INTS1: variants seen among roughly 807,000 people sequenced by gnomAD.
INTS1 encodes integrator complex subunit 1.
In INTS1, 137 loss-of-function variants were observed where a neutral mutation model predicts 241.6. The ratio of observed to expected loss-of-function variants is 0.57; its 90% CI spans 0.49 to 0.65. The LOEUF (loss-of-function observed/expected upper bound fraction) is 0.65, where lower values mean the gene tolerates loss of function less well. INTS1 is among the 30% of genes least tolerant of loss of function. The pLI is 0.00. For missense variants in INTS1, 3,073 were observed against 3,032.2 expected (o/e 1.01, Z -0.32); for synonymous variants, 1,692 against 1,337.8 (o/e 1.26, Z -5.78).
rs1447946058 is a variant in INTS1, at chr7:1,482,485, A to G, written c.3703+61T>C. The G allele has an allele frequency of 2.7e-6, 4 of 1,502,756 alleles. No homozygotes were observed. The African/African-American group carries it at 5.6e-5, about 21-fold the overall frequency. The allele number at this position is 1,502,756 out of a possible 1,614,324, so 93.1% of individuals were successfully genotyped here. ...GAGGCTGCCCAGGCCCACAAGGAGC[A>G]GGCAAGGGGCCCGGGACCCCTGAGT... is the stretch of plus-strand genomic sequence containing the variant. On this transcript the variant is annotated intron_variant, in intron 27 of 47. Coordinates refer to ENST00000404767, the MANE Select transcript of INTS1 (RefSeq NM_001080453.3).
chr7:1,499,946 C>A lies in INTS1; in HGVS notation c.622G>T (p.Ala208Ser), dbSNP rs758116715. The change falls in exon 5 of 48, where the codon GCC becomes TCC. Residue 208 changes from alanine to serine, a missense_variant. Physicochemically the swap from Ala to Ser is moderately conservative, Grantham distance 99. Transcript: ENST00000404767. ...AKGNSLVSVL[A>S]CNLLMAAYEE... Reference sequence around the variant, plus strand: ...TAGGCGGCCATGAGGAGGTTACAGGCCAGCACAGACACCAGGCTGTTCCCC... The same window carrying A: ...TAGGCGGCCATGAGGAGGTTACAGGACAGCACAGACACCAGGCTGTTCCCC... 3.4e-5 allele frequency: 55 copies of A among 1,613,610 alleles called. No individual in the cohort carries two copies. The highest frequency in any genetic ancestry group is 4.6e-5 in the Non-Finnish European group (54 of 1,179,870).
At chr7:1,498,943 G>GGGCCCGCCCCCCCCCCCC in intron 8 of INTS1, 32 bp downstream of exon 8, 1 of 1,070,748 alleles carries the variant, frequency 9.3e-7, no homozygotes, top group Non-Finnish European at 1.3e-6. Flanking sequence ...CCCACCCCCT[G>GGGCCCGCCCCCCCCCCCC]CCCCGCCCAC....
At chr7:1,500,421 G>A (rs1429881003) in intron 3 of INTS1, 55 bp from the exon 4 acceptor site, 22 of 1,456,142 alleles carry the variant, frequency 1.5e-5, no homozygotes, top group African/African-American at 4.2e-5. Flanking sequence ...TCACCCCAAA[G>A]CCTCGGGACA....
intron 26 of INTS1, 50 bp downstream of exon 26, chr7:1,483,692 G>A (rs765833065): frequency 2.9e-5 from 42 of 1,445,410 alleles, no homozygotes; most frequent in Non-Finnish European, 3.9e-5. Flanking sequence ...GGTCAGGGCT[G>A]TGGCCCACCT....
rs989796210 is a variant in INTS1, at chr7:1,500,290, C to T, written c.426G>A (p.Leu142=). The T allele has an allele frequency of 2.5e-6, 4 of 1,596,232 alleles. No homozygotes were observed. Among genetic ancestry groups the T allele is most frequent in the East Asian group, 4.5e-5 (2 of 43,990 alleles). ...CCTTCAGCTGCTTCACGGCCCCGCA[C>T]AGCACGCCCTCGATCCTGTCATCGT... is the stretch of plus-strand genomic sequence containing the variant. ...EGNDDRIEGV[L]CGAVKQLKVT... Residue 142 remains leucine (L), a synonymous_variant, in exon 4 of 48, where the codon CTG becomes CTA. Transcript: ENST00000404767.
intron 16 of INTS1, 109 bp downstream of exon 16, chr7:1,492,901 G>T: frequency 3.1e-6 from 2 of 642,562 alleles, no homozygotes; most frequent in Non-Finnish European, 2.6e-6. Context: ...GCGGGGCGCA[G>T]GCTTACCCGG....
Position 1,493,679 on chromosome 7 carries a change from G to A in INTS1, c.2068+75C>T, listed in dbSNP as rs935044139. 1.7e-5 allele frequency: 25 copies of A among 1,485,490 alleles called. No individual in the cohort carries two copies. Among genetic ancestry groups the A allele is most frequent in the African/African-American group, 5.6e-5 (4 of 71,482 alleles). 92.0% of individuals were successfully genotyped at this position (1,485,490 alleles called of 1,614,324 possible). A position where few individuals can be genotyped will look rare whatever the true frequency, so the allele number is the denominator to read the frequency against. On this transcript the variant is annotated intron_variant, in intron 15 of 47. Transcript: ENST00000404767. The surrounding 1 kb of genome is among the most constrained non-coding windows in gnomAD (Gnocchi z 5.3). ...GCTTTGTGGAGCGCCCCAGAGGTGCGTGCCAGAGCCGGGGTTTCTGCAGGG... is the reference window on the plus strand; with the variant it reads ...GCTTTGTGGAGCGCCCCAGAGGTGCATGCCAGAGCCGGGGTTTCTGCAGGG...
intron 40 of INTS1, 31 bp from the exon 41 acceptor site, chr7:1,474,391 C>A: frequency 1.3e-6 from 2 of 1,550,294 alleles, no homozygotes; most frequent in African/African-American, 2.7e-5. Context: ...CAGTCAGCCC[C>A]GGCCGGCGGG....
chr7:1,487,655 G>A (rs1399652672), intron 19 of INTS1, 105 bp downstream of exon 19: 41 of 1,422,162 alleles, frequency 2.9e-5, no homozygotes, highest in South Asian at 4.7e-5. Context: ...AGGTTCTGCC[G>A]CAGTGCGGTC....
chr7:1,476,705 T>C, intron 36 of INTS1, 48 bp from the exon 37 acceptor site: 1 of 1,612,242 alleles, frequency 6.2e-7, no homozygotes. Flanking sequence ...CGTCTCAGCA[T>C]GGGAGATACC....
Position 1,492,999 on chromosome 7 carries a change from C to CGT in INTS1, c.2165+9_2165+10dup. 4.4e-6 allele frequency: 7 copies of CGT among 1,606,314 alleles called. No individual in the cohort carries two copies. The highest frequency in any genetic ancestry group is 6.0e-6 in the Non-Finnish European group (7 of 1,173,918). Reference sequence around the variant, plus strand: ...ACCCGGGCGGGAGTGGGGAGCGGGGCGTGGGCTTACCCCGGTGGGAGCTGG... The same window carrying CGT: ...ACCCGGGCGGGAGTGGGGAGCGGGGCGTGTGGGCTTACCCCGGTGGGAGCTGG... On this transcript the variant is annotated intron_variant, in intron 16 of 47. Transcript: ENST00000404767.
intron 44 of INTS1, chr7:1,471,903 C>T: frequency 1.7e-6 from 1 of 582,786 alleles, no homozygotes; most frequent in East Asian, 2.8e-5. Flanking sequence ...CACCAAGTGT[C>T]CCCACGGCCC....
intron 19 of INTS1, 117 bp from the exon 20 acceptor site, chr7:1,487,566 T>A (rs1782333414): frequency 7.3e-7 from 1 of 1,377,270 alleles, no homozygotes; most frequent in African/African-American, 1.4e-5. Context: ...GGGCAACCCA[T>A]CCTGACCTGG....
rs1783048077 is a variant in INTS1, at chr7:1,499,485, C to T, written c.832G>A (p.Asp278Asn). The T allele has an allele frequency of 1.3e-6, 2 of 1,592,070 alleles. No individual in the cohort carries two copies. Among genetic ancestry groups the T allele is most frequent in the Non-Finnish European group, 8.6e-7 (1 of 1,169,238 alleles). ...LQGEAGRVAG[D>N]LGAGSSPHPS... ...CCGTGTGTCTCACCTGCACCCAGGTCGCCCGCAACGCGGCCCGCCTCCCCC... is the reference window on the plus strand; with the variant it reads ...CCGTGTGTCTCACCTGCACCCAGGTTGCCCGCAACGCGGCCCGCCTCCCCC... The change falls in exon 6 of 48, where the codon GAC (aspartate) becomes AAC (asparagine). Residue 278 changes from aspartate (D) to asparagine (N), a missense_variant. Transcript: ENST00000404767.
rs1781611551 is a variant in INTS1 at position 1,474,314 on chromosome 7, T to G, written c.5683A>C (p.Asn1895His). The change falls in exon 41 of 48, where the codon AAC becomes CAC. Residue 1895 changes from asparagine (N) to histidine (H), a missense_variant. Coordinates refer to ENST00000404767, the MANE Select transcript of INTS1 (RefSeq NM_001080453.3). ...AALLHGRTHLNFQEFRQQNHL... is the reference protein window; with the variant it reads ...AALLHGRTHLHFQEFRQQNHL... The stretch of plus-strand genomic sequence containing the variant: ...TTCTGCTGCCGGAACTCCTGGAAGT[T>G]GAGGTGGGTGCGGCCGTGCAGGAGC... 6.2e-7 allele frequency: 1 copy of G among 1,607,748 alleles called. No homozygotes were observed. The highest frequency in any genetic ancestry group is 2.2e-5 in the East Asian group (1 of 44,690).
chr7:1,472,429 G>A, intron 43 of INTS1, 43 bp from the exon 44 acceptor site: 1 of 1,393,876 alleles, frequency 7.2e-7, no homozygotes, highest in East Asian at 2.5e-5. Flanking sequence ...GGAGCGGCAG[G>A]ACGTGCCACA....
intron 16 of INTS1, among the ~76,000 whole-genome samples, chr7:1,492,098 T>A (rs1038754895): frequency 1.3e-5 from 2 of 152,040 alleles, no homozygotes; most frequent in East Asian, 3.9e-4. Flanking sequence ...GAGCCTCAGT[T>A]AAACACGTGG....
rs368079404 is a variant in INTS1 at position 1,474,856 on chromosome 7, C to T, written c.5503-18G>A. On this transcript the variant is annotated intron_variant, in intron 39 of 47. Transcript: ENST00000404767. Reference sequence around the variant, plus strand: ...CCGTCCAGCTGCAGGGAGGGGCGCTCTGAGGCCGGGGCCGCTGGCTCCCCT... The same window carrying T: ...CCGTCCAGCTGCAGGGAGGGGCGCTTTGAGGCCGGGGCCGCTGGCTCCCCT... 1.7e-4 allele frequency: 270 copies of T among 1,571,674 alleles called. No individual in the cohort carries two copies. Among genetic ancestry groups the T allele is most frequent in the Non-Finnish European group, 2.2e-4 (261 of 1,160,172 alleles).
Position 1,474,069 on chromosome 7 carries a change from C to T in INTS1, c.5829+99G>A, listed in dbSNP as rs986675161. On this transcript the variant is annotated intron_variant, in intron 41 of 47. Coordinates refer to ENST00000404767, the MANE Select transcript of INTS1 (RefSeq NM_001080453.3). ...GGTGGCCTGGCCTGGGCCCTGGCTG[C>T]AGAGGTCCTCCCAGTCCCTCCGCGA... is the stretch of plus-strand genomic sequence containing the variant. 3.0e-5 allele frequency: 40 copies of T among 1,351,612 alleles called. No homozygotes were observed. The South Asian group carries it at 3.6e-4, about 12-fold the overall frequency. The allele number at this position is 1,351,612 out of a possible 1,614,324, so 83.7% of individuals were successfully genotyped here.
Sources: allele counts gnomAD v4.1 joint callset (sites outside exome capture counted in the v4.1 genomes callset), GRCh38; gene constraint gnomAD v4.1.1; non-coding constraint Gnocchi (gnomAD v3.1); transcripts MANE v1.5; gene names NCBI Gene and HGNC (gene_info 2026-07-23, HGNC 2026-07-21).